DLGAP1: variants seen among roughly 807,000 people sequenced by gnomAD.
DLGAP1 encodes the protein DLG associated protein 1.
DLGAP1 carries 11 observed loss-of-function variants against 90.8 expected under a neutral mutation model. The observed-to-expected ratio is 0.12, with a 90% CI of 0.08 to 0.20. The LOEUF (loss-of-function observed/expected upper bound fraction) is 0.20. Among genes scored for constraint, DLGAP1 ranks in the 10% least tolerant of loss-of-function variants. The pLI, the probability that DLGAP1 is intolerant of heterozygous loss-of-function variation, is 1.00. For synonymous variants in DLGAP1, 558 were observed against 540.7 expected (o/e 1.03, Z -0.44); for missense variants, 1,050 against 1,333.8 (o/e 0.79, Z 3.31).
At chr18:3,636,460 G>A (rs1366575667) in intron 7 of DLGAP1, among the ~76,000 whole-genome samples, 1 of 151,690 alleles carries the variant, frequency 6.6e-6, no homozygotes, top group Non-Finnish European at 1.5e-5. Context: ...CTTCTAGGCT[G>A]GAGTGCAGTG....
rs1166873488 is a variant in DLGAP1 at position 3,583,175 on chromosome 18, TA to T, written c.1592-928del. 8.8e-3 allele frequency among the ~76,000 whole-genome samples: 1,254 copies of T among 142,628 alleles called. 16 individuals carry two copies. The highest frequency in any genetic ancestry group is 0.048 in the Middle Eastern group (13 of 270). The allele number at this position is 142,628 out of a possible 152,430, so 93.6% of individuals were successfully genotyped here. A position where few individuals can be genotyped will look rare whatever the true frequency, so the allele number is the denominator to read the frequency against. The stretch of plus-strand genomic sequence containing the variant: ...CTACCTACCTACCTACCTACCTACC[TA>T]CCTACCTACCTTCCTTCCTTCCTTC... On this transcript the variant is annotated intron_variant, in intron 7 of 12. Transcript: ENST00000315677.
At chr18:3,888,595 A>G (rs576172363) in intron 3 of DLGAP1, among the ~76,000 whole-genome samples, 30 of 152,164 alleles carry the variant, frequency 2.0e-4, no homozygotes, top group African/African-American at 6.3e-4. Flanking sequence ...ATCTTCTCCA[A>G]TTTGGTCACA....
chr18:4,267,198 GTATC>G (rs1463375725), intron 1 of DLGAP1, among the ~76,000 whole-genome samples: 8 of 145,566 alleles, frequency 5.5e-5, no homozygotes, highest in East Asian at 1.9e-4. Context: ...GTGTGTGTGT[GTATC>G]TATCTACCTA....
chr18:4,055,599 T>A (rs926189004), intron 2 of DLGAP1, among the ~76,000 whole-genome samples: 10 of 152,170 alleles, frequency 6.6e-5, no homozygotes, highest in Admixed American at 1.3e-4. Context: ...TCCAGCTACA[T>A]CCATCTTGAG....
chr18:3,969,319 A>T (rs972129481), intron 3 of DLGAP1, among the ~76,000 whole-genome samples: 3 of 152,196 alleles, frequency 2.0e-5, no homozygotes, highest in African/African-American at 7.2e-5. Flanking sequence ...ACTTTTAGTC[A>T]TTCCTTCTTG....
chr18:4,259,405 C>T (rs555576408), intron 1 of DLGAP1, among the ~76,000 whole-genome samples: 2 of 152,318 alleles, frequency 1.3e-5, no homozygotes, highest in Admixed American at 1.3e-4. Context: ...AACTCATACA[C>T]AGATTGGATA....
intron 5 of DLGAP1, among the ~76,000 whole-genome samples, chr18:3,783,320 A>C (rs2065289344): frequency 6.6e-6 from 1 of 152,224 alleles, no homozygotes; most frequent in Non-Finnish European, 1.5e-5. Flanking sequence ...GGAGGAATGA[A>C]AACATATGCC....
At chr18:4,154,566 C>T (rs1301708793) in intron 1 of DLGAP1, among the ~76,000 whole-genome samples, 1 of 151,944 alleles carries the variant, frequency 6.6e-6, no homozygotes, top group East Asian at 1.9e-4. Context: ...ATACACACTA[C>T]AAAGGTATTG....
chr18:4,314,967 T>C (rs2080491046), intron 1 of DLGAP1, among the ~76,000 whole-genome samples: 1 of 152,196 alleles, frequency 6.6e-6, no homozygotes, highest in Admixed American at 6.5e-5. Context: ...ATCTAAAGAA[T>C]ATCTGTTTTT....
intron 4 of DLGAP1, among the ~76,000 whole-genome samples, chr18:3,848,690 C>G (rs2069162894): frequency 6.6e-6 from 1 of 152,156 alleles, no homozygotes. Flanking sequence ...TGGACACTTC[C>G]CTCTCCTGCC....
chr18:4,293,035 G>C (rs758853411), intron 1 of DLGAP1: 2 of 152,188 alleles, frequency 1.3e-5, no homozygotes, highest in African/African-American at 4.8e-5. Flanking sequence ...AATACGCACA[G>C]TGTTCCAAAG....
chr18:4,041,474 G>A (rs185771113), intron 2 of DLGAP1, among the ~76,000 whole-genome samples: 21 of 152,282 alleles, frequency 1.4e-4, no homozygotes, highest in Non-Finnish European at 2.6e-4. Context: ...TTTAGGTAAT[G>A]TTTCATGTTT....
chr18:3,794,365 T>C (rs918465632), intron 5 of DLGAP1, among the ~76,000 whole-genome samples: 7 of 152,256 alleles, frequency 4.6e-5, no homozygotes, highest in African/African-American at 1.7e-4. Context: ...TTGTGATACA[T>C]GTTCAAAGCC....
At chr18:3,681,846 G>A (rs2060524356) in intron 7 of DLGAP1, among the ~76,000 whole-genome samples, 1 of 152,020 alleles carries the variant, frequency 6.6e-6, no homozygotes, top group South Asian at 2.1e-4. Flanking sequence ...AAAGTGTGTG[G>A]TGGCTGGGCG....
At chr18:3,597,512 A>G (rs1482713079) in intron 7 of DLGAP1, 1 of 322,086 alleles carries the variant, frequency 3.1e-6, no homozygotes, top group East Asian at 9.7e-5. Context: ...GGTCCGTCCC[A>G]TCTAATGAGA....
intron 2 of DLGAP1, among the ~76,000 whole-genome samples, chr18:4,027,632 T>C (rs2074725971): frequency 6.6e-6 from 1 of 151,458 alleles, no homozygotes; most frequent in African/African-American, 2.4e-5. Context: ...AAATGTTAGT[T>C]CCCTCATACT....
At chr18:3,510,390 T>C (rs181688523) in intron 10 of DLGAP1, among the ~76,000 whole-genome samples, 1 of 152,332 alleles carries the variant, frequency 6.6e-6, no homozygotes, top group Admixed American at 6.5e-5. Flanking sequence ...ACCTCTTCTA[T>C]GGGTGTGCCC....
chr18:4,316,474 CT>C (rs755346592), intron 1 of DLGAP1, among the ~76,000 whole-genome samples: 2 of 152,292 alleles, frequency 1.3e-5, no homozygotes, highest in South Asian at 4.1e-4. Context: ...TTCAATGAAA[CT>C]GCCACTCTGA....
chr18:3,991,338 CTG>C (rs1282356780), intron 3 of DLGAP1, among the ~76,000 whole-genome samples: 1 of 152,100 alleles, frequency 6.6e-6, no homozygotes, highest in Non-Finnish European at 1.5e-5. Context: ...ACTCATCTCT[CTG>C]TATTTCCGGT....
Sources: allele counts gnomAD v4.1 joint callset (sites outside exome capture counted in the v4.1 genomes callset), GRCh38; gene constraint gnomAD v4.1.1; transcripts MANE v1.5; gene names NCBI Gene and HGNC (gene_info 2026-07-23, HGNC 2026-07-21).